CHKA: variants seen among roughly 807,000 people sequenced by gnomAD.
The protein encoded by CHKA is CHETK-alpha.
Under a neutral mutation model 60.1 loss-of-function variants are expected in CHKA, and 34 were observed. That is an observed-to-expected ratio of 0.57 (90% confidence interval 0.43 to 0.75). The LOEUF is 0.75. Ranked by LOEUF, CHKA falls within the 30% of genes least tolerant of loss-of-function variation. The pLI is 0.00. For synonymous variants in CHKA, 217 were observed against 223.1 expected (o/e 0.97, Z 0.24); for missense variants, 563 against 561.3 (o/e 1.00, Z -0.03).
chr11:68,109,621 CTG>C (rs908435627), intron 1 of CHKA, among the ~76,000 whole-genome samples: 1 of 152,154 alleles, frequency 6.6e-6, no homozygotes, highest in African/African-American at 2.4e-5. Context: ...CACCAAAAGA[CTG>C]AGACCTCACC....
intron 3 of CHKA, among the ~76,000 whole-genome samples, chr11:68,080,784 G>T (rs1380730201): frequency 3.3e-5 from 5 of 152,240 alleles, no homozygotes; most frequent in African/African-American, 9.6e-5. Context: ...TAATGGCAGA[G>T]ATGCTCAAAA....
intron 11 of CHKA, among the ~76,000 whole-genome samples, chr11:68,055,742 T>C (rs1855991012): frequency 1.3e-5 from 2 of 151,928 alleles, no homozygotes; most frequent in Admixed American, 6.6e-5. Flanking sequence ...AAATCTTCCA[T>C]CCATTTATAA....
intron 2 of CHKA, among the ~76,000 whole-genome samples, chr11:68,093,589 G>A (rs1296662437): frequency 6.6e-6 from 1 of 152,062 alleles, no homozygotes. Context: ...ATAGAATTCT[G>A]TTCAAACAAA....
chr11:68,078,946 T>C (rs1203207447), intron 3 of CHKA, among the ~76,000 whole-genome samples: 4 of 151,986 alleles, frequency 2.6e-5, no homozygotes, highest in African/African-American at 9.7e-5. Context: ...GATATTATTA[T>C]TATTATTTTT....
chr11:68,107,512 T>C (rs1857956971), intron 1 of CHKA, among the ~76,000 whole-genome samples: 1 of 152,054 alleles, frequency 6.6e-6, no homozygotes, highest in Non-Finnish European at 1.5e-5. Flanking sequence ...CTCAAAATCT[T>C]CCTCGTTTCC....
chr11:68,121,307 GC>G lies in CHKA; in HGVS notation c.-131del, dbSNP rs2083886832. On this transcript the variant is annotated 5_prime_UTR_variant, in exon 1 of 12. Transcript: ENST00000265689. ...GGGCAGGGGGCCGCGGCGGTTGGGC[GC>G]GCGGGGCGGCGGCGGCGGCTGCGGC... 6 of 658,340 alleles carry G rather than the reference GC, an allele frequency of 9.1e-6. No homozygotes were observed. The East Asian group carries it at 6.4e-4, about 70-fold the overall frequency. The allele number at this position is 658,340 out of a possible 1,614,324, so 40.8% of individuals were successfully genotyped here.
chr11:68,076,291 A>G (rs1232983641), intron 3 of CHKA, among the ~76,000 whole-genome samples: 1 of 152,132 alleles, frequency 6.6e-6, no homozygotes, highest in African/African-American at 2.4e-5. Flanking sequence ...GTGGGATTTG[A>G]TATCAGACAG....
Position 68,053,973 on chromosome 11 carries a change from G to A in CHKA, c.*15C>T, listed in dbSNP as rs1392617566. The A allele has an allele frequency of 6.2e-7, 1 of 1,611,952 alleles. No homozygotes were observed. On this transcript the variant is annotated 3_prime_UTR_variant, in exon 12 of 12. Coordinates refer to ENST00000265689, the MANE Select transcript of CHKA (RefSeq NM_001277.3). ...ATGCAGTCCAGTGATGAGGTGGATGGAGTCCTCCCCACAGTCACACCCCAA... is the reference window on the plus strand; with the variant it reads ...ATGCAGTCCAGTGATGAGGTGGATGAAGTCCTCCCCACAGTCACACCCCAA...
chr11:68,098,100 T>C (rs887313717), intron 1 of CHKA, among the ~76,000 whole-genome samples: 2 of 151,896 alleles, frequency 1.3e-5, no homozygotes, highest in African/African-American at 2.4e-5. Flanking sequence ...GGTGAAAGCC[T>C]GTCTCTACTA....
intron 4 of CHKA, among the ~76,000 whole-genome samples, 163 bp from the exon 5 acceptor site, chr11:68,071,020 C>T (rs1856601179): frequency 6.6e-6 from 1 of 152,166 alleles, no homozygotes; most frequent in Non-Finnish European, 1.5e-5. Flanking sequence ...CAGACAGTGA[C>T]CCAGCAATTG....
At position 68,103,068 on chromosome 11, in the gene CHKA, T is replaced by G. The variant is rs1000114152; in HGVS notation, c.351-5938A>C. On this transcript the variant is annotated intron_variant, in intron 1 of 11. Coordinates refer to ENST00000265689, the MANE Select transcript of CHKA (RefSeq NM_001277.3). ...GGAGGATTGTTTGAGCCTAAGAGTT[T>G]GAGGCTGAAGTAAGCTATGAATGCA... Among the ~76,000 whole-genome samples the G allele has an allele frequency of 4.6e-5, 7 of 152,274 alleles. No homozygotes were observed. The East Asian group carries it at 1.4e-3, about 29-fold the overall frequency.
chr11:68,119,311 G>C (rs1565198465), intron 1 of CHKA, among the ~76,000 whole-genome samples: 1 of 152,280 alleles, frequency 6.6e-6, no homozygotes, highest in East Asian at 1.9e-4. Context: ...TAATTTTGCT[G>C]CATTAGCGGC....
intron 11 of CHKA, among the ~76,000 whole-genome samples, chr11:68,055,267 G>A (rs1208726430): frequency 2.0e-5 from 3 of 152,176 alleles, no homozygotes; most frequent in African/African-American, 7.2e-5. Flanking sequence ...GCGGGCGCCT[G>A]TAATCCCAGC....
intron 1 of CHKA, among the ~76,000 whole-genome samples, chr11:68,118,417 C>CG (rs911040076): frequency 1.1e-4 from 17 of 151,982 alleles, no homozygotes; most frequent in African/African-American, 3.6e-4. Flanking sequence ...CTCCAGCCTG[C>CG]GCGACAGAGT....
At chr11:68,079,804 T>C (rs1343386530) in intron 3 of CHKA, among the ~76,000 whole-genome samples, 1 of 152,144 alleles carries the variant, frequency 6.6e-6, no homozygotes, top group Non-Finnish European at 1.5e-5. Flanking sequence ...CCAATGGCAT[T>C]AGTTCCAAGT....
intron 11 of CHKA, among the ~76,000 whole-genome samples, chr11:68,055,831 G>A (rs1389268063): frequency 6.6e-6 from 1 of 151,862 alleles, no homozygotes. Context: ...GATCACCTGA[G>A]GTCAGGAGTT....
chr11:68,096,544 CA>C (rs1241550436), intron 2 of CHKA, among the ~76,000 whole-genome samples: 27 of 152,184 alleles, frequency 1.8e-4, no homozygotes, highest in African/African-American at 6.5e-4. Context: ...CTGTAACAAA[CA>C]ACTCAAAGTT....
Position 68,066,357 on chromosome 11 carries a change from A to G in CHKA, c.1016+72T>C, listed in dbSNP as rs1272754360. On this transcript the variant is annotated intron_variant, in intron 8 of 11. Coordinates refer to ENST00000265689, the MANE Select transcript of CHKA (RefSeq NM_001277.3). ...GCGGCATTTTGACTTATTTTCTCTA[A>G]TAACTGTTAATTAAGCATATCGTAA... 26 of 1,277,592 alleles carry G rather than the reference A, an allele frequency of 2.0e-5. No homozygotes were observed. The East Asian group carries it at 3.5e-4, about 17-fold the overall frequency. The allele number at this position is 1,277,592 out of a possible 1,614,324, so 79.1% of individuals were successfully genotyped here.
intron 2 of CHKA, among the ~76,000 whole-genome samples, chr11:68,094,798 T>C (rs1289153495): frequency 6.6e-6 from 1 of 152,206 alleles, no homozygotes; most frequent in African/African-American, 2.4e-5. Context: ...GTGTGTGGAA[T>C]AGCTACGTAC....
Sources: gnomAD v4.1 joint callset for allele counts (sites outside exome capture counted in the v4.1 genomes callset) on GRCh38, gnomAD v4.1.1 for gene constraint, MANE v1.5 for transcripts, NCBI Gene and HGNC (gene_info 2026-07-23, HGNC 2026-07-21) for gene names.